TTC23: variants seen among roughly 807,000 people sequenced by gnomAD.
The protein encoded by TTC23 is tetratricopeptide repeat domain 23.
A neutral mutation model predicts 55.1 loss-of-function variants in TTC23; 58 were observed. That is an observed-to-expected ratio of 1.05 (90% CI 0.85 to 1.31). The LOEUF (loss-of-function observed/expected upper bound fraction) is 1.31. Among genes scored for constraint, TTC23 ranks in the 50% most tolerant of loss-of-function variants. TTC23 has a pLI of 0.00. For synonymous variants in TTC23, 203 were observed against 199.9 expected, an observed-to-expected ratio of 1.02 and a Z score of -0.13; for missense variants, 516 against 534.4, an observed-to-expected ratio of 0.97 and a Z score of 0.34.
At chr15:99,150,412 T>A (rs2069551785) in intron 12 of TTC23, among the ~76,000 whole-genome samples, 1 of 152,166 alleles carries the variant, frequency 6.6e-6, no homozygotes, top group Non-Finnish European at 1.5e-5. Flanking sequence ...CTCAAAAAAT[T>A]TTCTGCAAAG....
intron 4 of TTC23, among the ~76,000 whole-genome samples, chr15:99,229,008 A>T (rs2078708428): frequency 6.6e-6 from 1 of 152,124 alleles, no homozygotes; most frequent in Non-Finnish European, 1.5e-5. Flanking sequence ...GTATATGTGT[A>T]TGTATTACAC....
chr15:99,174,012 T>C (rs2073245819), intron 10 of TTC23, among the ~76,000 whole-genome samples: 1 of 152,208 alleles, frequency 6.6e-6, no homozygotes. Context: ...GCAAACCTGA[T>C]GGTTAGTGTG....
intron 4 of TTC23, among the ~76,000 whole-genome samples, chr15:99,230,021 TAGCATCCAAAGATTACCA>T (rs1322251485): frequency 6.6e-6 from 1 of 152,164 alleles, no homozygotes; most frequent in Non-Finnish European, 1.5e-5. Context: ...TCACAAAGTC[TAGCATCCAAAGATTACCA>T]AGCATCCAAA....
intron 9 of TTC23, among the ~76,000 whole-genome samples, chr15:99,192,088 G>T (rs1208763940): frequency 6.6e-6 from 1 of 152,204 alleles, no homozygotes; most frequent in East Asian, 1.9e-4. Flanking sequence ...TCTGGTGGAA[G>T]AAATTTCTAA....
At chr15:99,192,217 C>T (rs542399444) in intron 9 of TTC23, among the ~76,000 whole-genome samples, 244 of 152,252 alleles carry the variant, frequency 1.6e-3, no homozygotes, top group African/African-American at 5.6e-3. Flanking sequence ...AAAGAAAATC[C>T]CATTTTCTGA....
chr15:99,208,878 A>G (rs1271797674), intron 8 of TTC23, among the ~76,000 whole-genome samples: 1 of 152,158 alleles, frequency 6.6e-6, no homozygotes, highest in Non-Finnish European at 1.5e-5. Flanking sequence ...TTTGAGAGCA[A>G]TATTTTCTCC....
At chr15:99,250,270 C>A (rs1449748097), upstream of TTC23, among the ~76,000 whole-genome samples, 1 of 152,156 alleles carries the variant, frequency 6.6e-6, no homozygotes, top group Non-Finnish European at 1.5e-5. Flanking sequence ...TGCTGTATAC[C>A]TGAATAGCTC....
rs921549471 is a variant in TTC23 at position 99,190,956 on chromosome 15, AT to A, written c.759+8962del. Among the ~76,000 whole-genome samples, 7 of 150,544 alleles carry A rather than the reference AT, an allele frequency of 4.6e-5. No homozygotes were observed. The East Asian group carries it at 5.9e-4, about 13-fold the overall frequency. ...ATCATCACGTGTGGCTAATTTTTGT[AT>A]TTTTTTTTGTAGAGACAAGGTTTTG... is the stretch of plus-strand genomic sequence containing the variant. On this transcript the variant is annotated intron_variant, in intron 9 of 13. Transcript: ENST00000394132.
intron 12 of TTC23, among the ~76,000 whole-genome samples, chr15:99,147,682 A>G (rs1596244888): frequency 6.6e-6 from 1 of 152,186 alleles, no homozygotes; most frequent in East Asian, 1.9e-4. Flanking sequence ...GACTTTTTAT[A>G]TGCAATTAAT....
In TTC23 at chr15:99,239,297, C is replaced by CA. The variant is rs562236108; in HGVS notation, c.-114+2067dup. On this transcript the variant is annotated intron_variant, in intron 3 of 13. Transcript: ENST00000394132. ...GTCAGGAGTTCAAGACCACCCTGGC[C>CA]AACACAGTGAAAACCCATCTCTACT... 1.2e-4 allele frequency among the ~76,000 whole-genome samples: 19 copies of CA among 152,178 alleles called. No homozygotes were observed. In the East Asian group the frequency reaches 3.7e-3, roughly 29 times the overall value.
At chr15:99,180,940 G>A (rs983946837) in intron 9 of TTC23, among the ~76,000 whole-genome samples, 3 of 152,190 alleles carry the variant, frequency 2.0e-5, no homozygotes, top group African/African-American at 7.2e-5. Flanking sequence ...GAGCACTGGA[G>A]GGACACAGGG....
intron 4 of TTC23, among the ~76,000 whole-genome samples, chr15:99,234,700 C>A (rs79048510): frequency 0.02 from 3,068 of 152,172 alleles, 59 homozygotes; most frequent in East Asian, 0.055. Flanking sequence ...TTAACAGACG[C>A]TTCATCAAAG....
At chr15:99,182,426 T>C (rs111726226) in intron 9 of TTC23, among the ~76,000 whole-genome samples, 1,815 of 152,332 alleles carry the variant, frequency 0.012, 39 homozygotes, top group African/African-American at 0.042. Context: ...TGTATGGTTA[T>C]TGGTTATTTA....
chr15:99,177,270 G>C (rs1373658435), intron 9 of TTC23, among the ~76,000 whole-genome samples: 1 of 152,182 alleles, frequency 6.6e-6, no homozygotes, highest in East Asian at 1.9e-4. Context: ...TTATTCATAA[G>C]TGCCAACAAT....
In TTC23 at chr15:99,166,461, C is replaced by T. The variant is rs79734689; in HGVS notation, c.866-4594G>A. 9.9e-3 allele frequency among the ~76,000 whole-genome samples: 1,514 copies of T among 152,262 alleles called. 22 individuals carry two copies. Among genetic ancestry groups the T allele is most frequent in the African/African-American group, 0.033 (1,363 of 41,544 alleles). ...AACCTCAGACTTACGGACGCCCAGT[C>T]ATATTTTCCAAAGAGGATGCTTGTC... On this transcript the variant is annotated intron_variant, in intron 10 of 13. Transcript: ENST00000394132.
chr15:99,139,818 T>C, intron 12 of TTC23: 1 of 1,148,756 alleles, frequency 8.7e-7, no homozygotes, highest in Non-Finnish European at 1.2e-6. Context: ...ATATAGGCTG[T>C]CTATACTCTT....
intron 9 of TTC23, among the ~76,000 whole-genome samples, chr15:99,190,181 A>AAATG (rs143758855): frequency 6.7e-6 from 1 of 148,502 alleles, no homozygotes; most frequent in Admixed American, 6.7e-5. Context: ...CCTGTCTAAA[A>AAATG]AAAGAAAGAA....
At chr15:99,148,145 G>C (rs1325235686) in intron 12 of TTC23, among the ~76,000 whole-genome samples, 1 of 151,850 alleles carries the variant, frequency 6.6e-6, no homozygotes, top group East Asian at 1.9e-4. Context: ...GGTGGATCAT[G>C]AGGTCAGGAG....
chr15:99,200,448 C>T (rs2076107190), intron 8 of TTC23, among the ~76,000 whole-genome samples: 1 of 152,148 alleles, frequency 6.6e-6, no homozygotes, highest in Non-Finnish European at 1.5e-5. Flanking sequence ...CTCTAATACA[C>T]AGTAAGTGCT....
Sources: allele counts gnomAD v4.1 joint callset (sites outside exome capture counted in the v4.1 genomes callset), GRCh38; gene constraint gnomAD v4.1.1; transcripts MANE v1.5; gene names NCBI Gene and HGNC (gene_info 2026-07-23, HGNC 2026-07-21).